PM20D2: variants seen among roughly 807,000 people sequenced by gnomAD.
The protein encoded by PM20D2 is peptidase M20 domain containing 2.
A neutral mutation model predicts 42.9 loss-of-function variants in PM20D2; 33 were observed. The observed-to-expected ratio is 0.77, with a 90% CI of 0.58 to 1.03. PM20D2 has a LOEUF of 1.03. Ranked by LOEUF, PM20D2 falls within the 50% of genes least tolerant of loss-of-function variation. The pLI is 0.00. For synonymous variants in PM20D2, 250 were observed against 228.2 expected (o/e 1.10, Z -0.86); for missense variants, 548 against 557.0 (o/e 0.98, Z 0.16).
At position 89,146,487 on chromosome 6, in the gene PM20D2, G is replaced by T; in HGVS notation, c.343G>T (p.Asp115Tyr). Reference protein sequence around the residue: ...PLHLGFLCEYDALPGIGHACG... With the variant: ...PLHLGFLCEYYALPGIGHACG... ...GCACCTGGGCTTCCTCTGCGAGTAC[G>T]ACGCGCTGCCCGGCATCGGCCACGC... is the stretch of plus-strand genomic sequence containing the variant. The change falls in exon 1 of 7, where the codon GAC becomes TAC. Residue 115 changes from aspartate (D) to tyrosine (Y), a missense_variant. This residue lies in a region of PM20D2 where 470 missense variants were observed against 464.4 expected (regional missense o/e 1.01). Transcript: ENST00000275072. 1 of 1,524,004 alleles carries T rather than the reference G, an allele frequency of 6.6e-7. No homozygotes were observed. The allele number at this position is 1,524,004 out of a possible 1,614,324, so 94.4% of individuals were successfully genotyped here.
chr6:89,154,416 C>G (rs1770961322), intron 3 of PM20D2, among the ~76,000 whole-genome samples: 1 of 151,958 alleles, frequency 6.6e-6, no homozygotes, highest in South Asian at 2.1e-4. Flanking sequence ...AAATCTTTTC[C>G]AGAAAGCTTA....
the PM20D2 span, among the ~76,000 whole-genome samples, chr6:89,129,635 C>T: frequency 7.2e-6 from 1 of 139,116 alleles, no homozygotes. Context: ...CTCTGTTGTC[C>T]AGGCTGGAGT....
chr6:89,164,352 G>A lies in PM20D2; in HGVS notation c.*2089G>A, dbSNP rs190013463. 3.9e-5 allele frequency: 6 copies of A among 152,676 alleles called. No individual in the cohort carries two copies. In the East Asian group the frequency reaches 1.2e-3, roughly 29 times the overall value. 9.5% of individuals were successfully genotyped at this position (152,676 alleles called of 1,614,324 possible). A position where few individuals can be genotyped will look rare whatever the true frequency, so the allele number is the denominator to read the frequency against. On this transcript the variant is annotated 3_prime_UTR_variant, in exon 7 of 7. Coordinates refer to ENST00000275072, the MANE Select transcript of PM20D2 (RefSeq NM_001010853.3). ...AGGAGTGCCTATTTCTAAGCACTGG[G>A]TGTAAGAAGAAAAGACACTTGCAAA...
chr6:89,109,148 AC>A, the PM20D2 span, among the ~76,000 whole-genome samples: 286 of 152,256 alleles, frequency 1.9e-3, 3 homozygotes, highest in African/African-American at 6.2e-3. Flanking sequence ...TCTCCTGAGT[AC>A]TGTAATCATC....
the PM20D2 span, among the ~76,000 whole-genome samples, chr6:89,094,488 G>A: frequency 1.3e-5 from 2 of 152,094 alleles, no homozygotes; most frequent in East Asian, 3.9e-4. Flanking sequence ...ACCTCCCAAA[G>A]TGCTGGGATT....
chr6:89,122,372 T>C, the PM20D2 span, among the ~76,000 whole-genome samples: 10 of 152,328 alleles, frequency 6.6e-5, no homozygotes, highest in African/African-American at 2.2e-4. Flanking sequence ...TTCTTCCTAA[T>C]TACCATGGAT....
the PM20D2 span, chr6:89,098,393 G>T: frequency 1.6e-6 from 1 of 624,692 alleles, no homozygotes; most frequent in Non-Finnish European, 2.5e-6. Flanking sequence ...ATAATTTGTA[G>T]TGTGGGCCCT....
At chr6:89,094,781 C>CTTTTT in the PM20D2 span, among the ~76,000 whole-genome samples, 1 of 138,860 alleles carries the variant, frequency 7.2e-6, no homozygotes, top group South Asian at 2.3e-4. Context: ...TGCTACGCAT[C>CTTTTT]TTTTTTTTTT....
intron 2 of PM20D2, among the ~76,000 whole-genome samples, chr6:89,151,481 G>A (rs938593353): frequency 7.9e-5 from 12 of 152,172 alleles, no homozygotes; most frequent in Non-Finnish European, 1.2e-4. Flanking sequence ...ACCCGCCTTG[G>A]CCTCCCAAAG....
At chr6:89,099,406 A>G in the PM20D2 span, among the ~76,000 whole-genome samples, 917 of 86,770 alleles carry the variant, frequency 0.011, 24 homozygotes, top group African/African-American at 0.039. Context: ...CTCTCTCCAT[A>G]TATATATACA....
At chr6:89,094,422 G>A in the PM20D2 span, among the ~76,000 whole-genome samples, 1 of 151,838 alleles carries the variant, frequency 6.6e-6, no homozygotes, top group East Asian at 1.9e-4. Context: ...ATTTCACTAT[G>A]TTGGCCAGGC....
At chr6:89,103,661 T>C in the PM20D2 span, among the ~76,000 whole-genome samples, 43 of 152,068 alleles carry the variant, frequency 2.8e-4, 1 homozygote, top group Non-Finnish European at 7.4e-5. Flanking sequence ...GATTTCACCA[T>C]ATTGCTCAGG....
Position 89,149,372 on chromosome 6 carries a change from A to C in PM20D2, c.573A>C (p.Ser191=). 6.2e-7 allele frequency: 1 copy of C among 1,614,126 alleles called. No homozygotes were observed. The highest frequency in any genetic ancestry group is 2.2e-5 in the East Asian group (1 of 44,866). Residue 191 remains serine, a synonymous_variant, in exon 2 of 7, where the codon TCA becomes TCC. Transcript: ENST00000275072. ...ATGTTGTTTTTATGGCCCACCCATC[A>C]CAAGAGAATGCTGCTTATCTACCAG... ...NLDVVFMAHP[S]QENAAYLPDM...
intron 4 of PM20D2, among the ~76,000 whole-genome samples, chr6:89,157,195 T>G (rs1771078826): frequency 6.6e-6 from 1 of 152,164 alleles, no homozygotes; most frequent in African/African-American, 2.4e-5. Context: ...CCTCCCAAAG[T>G]TCTGGGATTG....
In PM20D2 at chr6:89,157,101, T is replaced by G. The variant is rs755084313; in HGVS notation, c.913-1224T>G. Among the ~76,000 whole-genome samples the G allele has an allele frequency of 2.0e-5, 3 of 152,258 alleles. No homozygotes were observed. In the East Asian group the frequency reaches 5.8e-4, roughly 29 times the overall value. On this transcript the variant is annotated intron_variant, in intron 4 of 6. Transcript: ENST00000275072. ...ATATTTAATTTAATTTATTTATTTT[T>G]AAAGTTTTTTGTAGAGATAGGCTCT...
At chr6:89,118,028 G>T in the PM20D2 span, 1 of 767,824 alleles carries the variant, frequency 1.3e-6, no homozygotes. Context: ...CCAGCGCGCA[G>T]CCGCAGAGGC....
chr6:89,121,656 G>T, the PM20D2 span, among the ~76,000 whole-genome samples: 2 of 152,180 alleles, frequency 1.3e-5, no homozygotes, highest in African/African-American at 4.8e-5. Flanking sequence ...AGGCTTAGGA[G>T]AGTTAATGTT....
the PM20D2 span, among the ~76,000 whole-genome samples, chr6:89,115,702 T>C: frequency 6.7e-6 from 1 of 150,278 alleles, no homozygotes; most frequent in Non-Finnish European, 1.5e-5. Flanking sequence ...AGTGGCGCGA[T>C]GTTGGCTCAC....
upstream of PM20D2, among the ~76,000 whole-genome samples, chr6:89,144,274 C>G (rs577869424): frequency 6.7e-6 from 1 of 148,398 alleles, no homozygotes. Context: ...TAAATAGCAG[C>G]TTCTATATGA....
Sources: gnomAD v4.1 joint callset for allele counts (sites outside exome capture counted in the v4.1 genomes callset) on GRCh38, gnomAD v4.1.1 for gene constraint, gnomAD v4.1.1 regional missense constraint, MANE v1.5 for transcripts, NCBI Gene and HGNC (gene_info 2026-07-23, HGNC 2026-07-21) for gene names.